The following FRMPD1 variants were observed in gnomAD, a reference collection of about 807,000 sequenced individuals.
The protein encoded by FRMPD1 is FERM and PDZ domain containing 1.
In FRMPD1, 76 loss-of-function variants were observed where a neutral mutation model predicts 117.8. The observed-to-expected ratio is 0.65, with a 90% CI of 0.54 to 0.78. The LOEUF (loss-of-function observed/expected upper bound fraction) is 0.78. Ranked by LOEUF, FRMPD1 falls within the 30% of genes least tolerant of loss-of-function variation. FRMPD1 has a pLI of 0.00. For synonymous variants in FRMPD1, 783 were observed against 770.4 expected (o/e 1.02, Z -0.27); for missense variants, 1,786 against 1,964.5 (o/e 0.91, Z 1.72).
the FRMPD1 span, among the ~76,000 whole-genome samples, chr9:37,610,957 G>T: frequency 0.021 from 3,272 of 152,206 alleles, 117 homozygotes; most frequent in African/African-American, 0.074. Flanking sequence ...ATACTAAAAT[G>T]TATTTAACCA....
rs146483119 is a variant in FRMPD1, at chr9:37,688,812, G to A, written c.-4-3826G>A. On this transcript the variant is annotated intron_variant, in intron 1 of 15. Transcript: ENST00000377765. ...TTAATTAAGAAACATCTATACATGT[G>A]TAAGCATAAAAAATGATGAAAAATT... Among the ~76,000 whole-genome samples, 1,356 of 152,126 alleles carry A rather than the reference G, an allele frequency of 8.9e-3. 11 individuals are homozygous for A. Among genetic ancestry groups the A allele is most frequent in the Non-Finnish European group, 0.014 (982 of 67,908 alleles).
chr9:37,612,391 C>T, the FRMPD1 span, among the ~76,000 whole-genome samples: 1 of 152,258 alleles, frequency 6.6e-6, no homozygotes, highest in South Asian at 2.1e-4. Flanking sequence ...ATCTATTGCC[C>T]AGGCTGGAGT....
At chr9:37,691,899 T>A (rs907916172) in intron 1 of FRMPD1, among the ~76,000 whole-genome samples, 1 of 151,738 alleles carries the variant, frequency 6.6e-6, no homozygotes, top group Non-Finnish European at 1.5e-5. Context: ...AGAGCGAGAC[T>A]CCATCTCAAA....
At chr9:37,630,288 A>T in the FRMPD1 span, among the ~76,000 whole-genome samples, 1 of 152,208 alleles carries the variant, frequency 6.6e-6, no homozygotes, top group South Asian at 2.1e-4. Flanking sequence ...CTTAGGTCCA[A>T]TGAAATGTTG....
chr9:37,637,144 G>C, the FRMPD1 span: 3 of 1,608,770 alleles, frequency 1.9e-6, no homozygotes, highest in East Asian at 2.2e-5. Flanking sequence ...CATCCAGCTC[G>C]ATGGTTTGGA....
At chr9:37,643,798 A>C in the FRMPD1 span, among the ~76,000 whole-genome samples, 15 of 152,276 alleles carry the variant, frequency 9.9e-5, 1 homozygote, top group East Asian at 2.3e-3. Flanking sequence ...GGAAAGAATG[A>C]TGCTTCTCCA....
At chr9:37,698,353 A>G in intron 2 of FRMPD1, among the ~76,000 whole-genome samples, 1 of 152,000 alleles carries the variant, frequency 6.6e-6, no homozygotes, top group Non-Finnish European at 1.5e-5. Flanking sequence ...TATTACCATT[A>G]ATTGTGAGTG....
At chr9:37,659,298 G>A (rs980673206) in intron 1 of FRMPD1, among the ~76,000 whole-genome samples, 3 of 152,166 alleles carry the variant, frequency 2.0e-5, no homozygotes, top group African/African-American at 7.2e-5. Flanking sequence ...AGATCCTCAG[G>A]CCACATGTCT....
At chr9:37,609,314 C>T in the FRMPD1 span, among the ~76,000 whole-genome samples, 2 of 151,876 alleles carry the variant, frequency 1.3e-5, no homozygotes, top group African/African-American at 2.4e-5. Context: ...AAAAGTATCT[C>T]AAGTTTAAAA....
chr9:37,735,763 C>CA (rs1184516287), intron 13 of FRMPD1, 29 bp downstream of exon 13: 1 of 1,559,782 alleles, frequency 6.4e-7, no homozygotes, highest in East Asian at 2.3e-5. Flanking sequence ...ATTCTGAATT[C>CA]AACTGCTGGA....
At chr9:37,695,941 C>A (rs775202500) in intron 2 of FRMPD1, among the ~76,000 whole-genome samples, 2 of 152,066 alleles carry the variant, frequency 1.3e-5, no homozygotes, top group Non-Finnish European at 2.9e-5. Flanking sequence ...CAGTGGCTCA[C>A]CTACCATTTT....
At chr9:37,733,124 G>A (rs146482831) in intron 10 of FRMPD1, among the ~76,000 whole-genome samples, 26 of 152,248 alleles carry the variant, frequency 1.7e-4, no homozygotes, top group East Asian at 1.4e-3. Flanking sequence ...GGAGCTCTGC[G>A]TTGCCCCATG....
chr9:37,648,657 T>G (rs2038902), upstream of FRMPD1, among the ~76,000 whole-genome samples: 151,952 of 152,190 alleles, frequency 1, 75,857 homozygotes, highest in Middle Eastern at 1. Flanking sequence ...GGACTTAGTG[T>G]CCAGTAGAGT....
chr9:37,723,436 A>G (rs1320982823), intron 6 of FRMPD1, among the ~76,000 whole-genome samples: 1 of 152,172 alleles, frequency 6.6e-6, no homozygotes, highest in East Asian at 1.9e-4. Flanking sequence ...CTGTGCATTG[A>G]AGAAATTCCC....
chr9:37,718,758 T>C (rs1823261924), intron 5 of FRMPD1, among the ~76,000 whole-genome samples: 2 of 152,214 alleles, frequency 1.3e-5, no homozygotes. Context: ...CTCACAACTA[T>C]TGAGCAGTAA....
intron 1 of FRMPD1, among the ~76,000 whole-genome samples, chr9:37,654,626 T>C (rs1007084442): frequency 6.6e-6 from 1 of 152,214 alleles, no homozygotes; most frequent in East Asian, 1.9e-4. Context: ...GTGCCAGTTA[T>C]GTAGTAAGCA....
At chr9:37,732,146 G>A (rs148503599) in intron 9 of FRMPD1, among the ~76,000 whole-genome samples, 158 bp from the exon 10 acceptor site, 28 of 152,274 alleles carry the variant, frequency 1.8e-4, no homozygotes, top group Non-Finnish European at 3.4e-4. Flanking sequence ...CCAAATGCTT[G>A]GAGAGTCTTG....
intron 1 of FRMPD1, among the ~76,000 whole-genome samples, chr9:37,682,305 G>A (rs1433075557): frequency 6.6e-6 from 1 of 152,204 alleles, no homozygotes; most frequent in African/African-American, 2.4e-5. Flanking sequence ...AAATCTACAG[G>A]TGAAAATGTT....
At chr9:37,737,823 T>TAA (rs35965958) in intron 14 of FRMPD1, among the ~76,000 whole-genome samples, 20 of 106,290 alleles carry the variant, frequency 1.9e-4, no homozygotes, top group African/African-American at 4.6e-4. Flanking sequence ...AACTCCATCT[T>TAA]AAAAAAAAAA....
Sources: allele counts gnomAD v4.1 joint callset (sites outside exome capture counted in the v4.1 genomes callset), GRCh38; gene constraint gnomAD v4.1.1; transcripts MANE v1.5; gene names NCBI Gene and HGNC (gene_info 2026-07-23, HGNC 2026-07-21).